PFKL: variants seen among roughly 807,000 people sequenced by gnomAD.
PFKL encodes phosphofructokinase, liver type.
Under a neutral mutation model 92.1 loss-of-function variants are expected in PFKL, and 74 were observed. The ratio of observed to expected loss-of-function variants is 0.80; its 90% CI spans 0.67 to 0.97. The LOEUF is 0.97. PFKL is among the 50% of genes least tolerant of loss of function. PFKL has a pLI of 0.00. For missense variants in PFKL, 1,028 were observed against 1,116.6 expected (o/e 0.92, Z 1.13); for synonymous variants, 494 against 456.4 (o/e 1.08, Z -1.05).
In PFKL at chr21:44,321,664, T is replaced by A. The variant is rs982015045; in HGVS notation, c.1192-65T>A. 4.2e-6 allele frequency: 6 copies of A among 1,444,914 alleles called. No homozygotes were observed. In the African/African-American group the frequency reaches 4.4e-5, roughly 10 times the overall value. The allele number at this position is 1,444,914 out of a possible 1,614,324, so 89.5% of individuals were successfully genotyped here. ...TCCAGAACCTGCCGGCCTGCTGACC[T>A]CCTGTGCAGGTTGGGGGTCCCCTCC... On this transcript the variant is annotated intron_variant, in intron 12 of 21. Coordinates refer to ENST00000349048, the MANE Select transcript of PFKL (RefSeq NM_002626.6).
chr21:44,300,724 TGGGCTGCCCGGGGC>T (rs889757947), intron 1 of PFKL, among the ~76,000 whole-genome samples: 2 of 130,566 alleles, frequency 1.5e-5, no homozygotes, highest in Non-Finnish European at 3.2e-5. Context: ...GGTGGGGAGA[TGGGCTGCCCGGGGC>T]ATTGAGCAAA....
At chr21:44,313,190 G>T (rs142708696) in intron 5 of PFKL, 47 bp downstream of exon 5, 2 of 1,593,448 alleles carry the variant, frequency 1.3e-6, no homozygotes, top group African/African-American at 1.3e-5. Flanking sequence ...CCTCCTCCCC[G>T]CACGGTGGTG....
In PFKL at chr21:44,312,149, C is replaced by A; in HGVS notation, c.282C>A (p.Thr94=). ...GCGCTCGCTGCAAGGCCTTTACCAC[C>A]AGGGAGGGGCGCCGGGCAGCGGCCT... is the stretch of plus-strand genomic sequence containing the variant. ...IGSARCKAFT[T]REGRRAAAYN... The change falls in exon 4 of 22, where the codon ACC becomes ACA. Residue 94 remains threonine (T), a synonymous_variant. Transcript: ENST00000349048. 1 of 1,589,338 alleles carries A rather than the reference C, an allele frequency of 6.3e-7. No individual in the cohort carries two copies. The highest frequency in any genetic ancestry group is 8.6e-7 in the Non-Finnish European group (1 of 1,168,532).
At chr21:44,306,010 A>C in intron 1 of PFKL, 2 of 1,129,336 alleles carry the variant, frequency 1.8e-6, no homozygotes, top group Non-Finnish European at 2.3e-6. Context: ...CTCTGTTCTC[A>C]GTCCCCCATC....
At chr21:44,320,512 G>C (rs1456811332) in intron 12 of PFKL, 1 of 173,162 alleles carries the variant, frequency 5.8e-6, no homozygotes, top group Admixed American at 6.2e-5. Context: ...GTTCACCTGA[G>C]GTCAGGAGTT....
At chr21:44,319,943 C>T (rs1451742739) in intron 11 of PFKL, 141 bp from the exon 12 acceptor site, 10 of 709,510 alleles carry the variant, frequency 1.4e-5, no homozygotes, top group Admixed American at 4.1e-5. Context: ...GCCTGGCATG[C>T]GCGGTGTCTG....
At chr21:44,322,081 GA>G in intron 13 of PFKL, 51 bp from the exon 14 acceptor site, 1 of 1,561,670 alleles carries the variant, frequency 6.4e-7, no homozygotes, top group Non-Finnish European at 8.7e-7. Context: ...CCCCTGGGGG[GA>G]ATTGGCCAGA....
At chr21:44,307,180 C>A in intron 2 of PFKL, 1 of 673,416 alleles carries the variant, frequency 1.5e-6, no homozygotes, top group African/African-American at 1.9e-5. Context: ...TCCTCCCCAG[C>A]CTCCTGCCTC....
At chr21:44,313,522 G>A (rs1014544423) in intron 5 of PFKL, 116 bp from the exon 6 acceptor site, 1 of 972,296 alleles carries the variant, frequency 1.0e-6, no homozygotes, top group Non-Finnish European at 1.6e-6. Context: ...GGCATGAGAA[G>A]GGGCTGTCCC....
At position 44,325,338 on chromosome 21, in the gene PFKL, C is replaced by T. The variant is rs981077251; in HGVS notation, c.1989+74C>T. ...ACCATCTGTCCCCGGCCCCAGGGGT[C>T]CCAGCCCTCACGGGCACCCACGGGC... On this transcript the variant is annotated intron_variant, in intron 19 of 21. Coordinates refer to ENST00000349048, the MANE Select transcript of PFKL (RefSeq NM_002626.6). 3 of 1,090,284 alleles carry T rather than the reference C, an allele frequency of 2.8e-6. No homozygotes were observed. In the African/African-American group the frequency reaches 4.6e-5, roughly 17 times the overall value. 67.5% of individuals were successfully genotyped at this position (1,090,284 alleles called of 1,614,324 possible). A position where few individuals can be genotyped will look rare whatever the true frequency, so the allele number is the denominator to read the frequency against.
chr21:44,304,010 C>T lies in PFKL; in HGVS notation c.86-2671C>T, dbSNP rs183909470. 5.9e-5 allele frequency among the ~76,000 whole-genome samples: 9 copies of T among 152,026 alleles called. No homozygotes were observed. The East Asian group carries it at 1.6e-3, about 26-fold the overall frequency. On this transcript the variant is annotated intron_variant, in intron 1 of 21. Transcript: ENST00000349048. ...TGAGGTTAACAGAGAAAATTTCCTC[C>T]TTCAGGCCGCAGCCAGTCCCGTTCT...
At chr21:44,326,392 C>A in intron 21 of PFKL, 128 bp downstream of exon 21, 1 of 726,518 alleles carries the variant, frequency 1.4e-6, no homozygotes, top group Non-Finnish European at 2.3e-6. Context: ...GGCCCCCATG[C>A]CCAGGTCCCC....
intron 15 of PFKL, 52 bp downstream of exon 15, chr21:44,323,101 G>C: frequency 7.0e-7 from 1 of 1,426,580 alleles, no homozygotes; most frequent in Non-Finnish European, 9.9e-7. Context: ...GACCCAAGGT[G>C]TCCTCCCGCC....
intron 1 of PFKL, among the ~76,000 whole-genome samples, chr21:44,301,055 G>A (rs1343621498): frequency 1.3e-5 from 2 of 152,252 alleles, no homozygotes; most frequent in African/African-American, 2.4e-5. Context: ...GTGCAGCGGG[G>A]TCTGGTCTGT....
At chr21:44,325,691 G>T (rs549232523) in intron 19 of PFKL, 10 of 527,440 alleles carry the variant, frequency 1.9e-5, no homozygotes, top group Admixed American at 1.6e-4. Context: ...TGGGGCCGCT[G>T]GCTGCCGATG....
chr21:44,322,008 T>G (rs1003347211), intron 13 of PFKL, 125 bp from the exon 14 acceptor site: 13 of 1,434,748 alleles, frequency 9.1e-6, no homozygotes, highest in Non-Finnish European at 1.0e-5. Flanking sequence ...CACCCGGGCC[T>G]GGGTACTCAG....
chr21:44,307,249 T>G (rs1159446032), intron 2 of PFKL: 1 of 984,506 alleles, frequency 1.0e-6, no homozygotes, highest in African/African-American at 1.7e-5. Context: ...ATGTTCATTG[T>G]GTCCCCGCAG....
intron 14 of PFKL, among the ~76,000 whole-genome samples, chr21:44,322,601 G>A (rs528948079): frequency 6.6e-6 from 1 of 152,354 alleles, no homozygotes; most frequent in Admixed American, 6.5e-5. Flanking sequence ...GACTACAGGG[G>A]AAGTTGCTGA....
chr21:44,322,918 TC>T (rs1377434759), intron 14 of PFKL, 43 bp from the exon 15 acceptor site: 5 of 1,412,556 alleles, frequency 3.5e-6, no homozygotes, highest in East Asian at 2.3e-5. Flanking sequence ...TGGACACGCG[TC>T]CCCGGGTGCT....
Sources: allele counts gnomAD v4.1 joint callset (sites outside exome capture counted in the v4.1 genomes callset), GRCh38; gene constraint gnomAD v4.1.1; transcripts MANE v1.5; gene names NCBI Gene and HGNC (gene_info 2026-07-23, HGNC 2026-07-21).